Variants in ULK4 observed in about 807,000 individuals in gnomAD.
ULK4 encodes inactive serine/threonine-protein kinase ULK4.
Under a neutral mutation model 160.6 loss-of-function variants are expected in ULK4, and 133 were observed. That is an observed-to-expected ratio of 0.83 (90% CI 0.72 to 0.96). ULK4 has a LOEUF of 0.96. Among genes scored for constraint, ULK4 ranks in the 40% least tolerant of loss-of-function variants. The pLI is 0.00. For missense variants in ULK4, 1,580 were observed against 1,499.5 expected (o/e 1.05, Z -0.89); for synonymous variants, 534 against 539.8 (o/e 0.99, Z 0.15).
intron 17 of ULK4, chr3:41,882,135 C>G: frequency 1.4e-6 from 1 of 697,186 alleles, no homozygotes; most frequent in Non-Finnish European, 2.6e-6. Context: ...CAGGCACTGC[C>G]ACACGGAGTC....
At chr3:41,306,823 G>A (rs2079950302) in intron 35 of ULK4, among the ~76,000 whole-genome samples, 1 of 151,804 alleles carries the variant, frequency 6.6e-6, no homozygotes, top group African/African-American at 2.4e-5. Context: ...TCTGCCGTGG[G>A]ATCCTGTTGA....
chr3:41,442,328 G>A (rs2083191334), intron 34 of ULK4, among the ~76,000 whole-genome samples: 1 of 152,132 alleles, frequency 6.6e-6, no homozygotes, highest in African/African-American at 2.4e-5. Flanking sequence ...TGGTAAATCT[G>A]TAAAGGTACC....
At chr3:41,770,199 C>A (rs1025586502) in intron 21 of ULK4, among the ~76,000 whole-genome samples, 1 of 152,126 alleles carries the variant, frequency 6.6e-6, no homozygotes, top group African/African-American at 2.4e-5. Context: ...GCAGACTTAT[C>A]CAAATTTATC....
In ULK4 at chr3:41,769,236, A is replaced by C. The variant is rs1177767100; in HGVS notation, c.2194-14748T>G. On this transcript the variant is annotated intron_variant, in intron 21 of 36. Coordinates refer to ENST00000301831, the MANE Select transcript of ULK4 (RefSeq NM_017886.4). ...CATTTAGTCATTTCAGAAAAACTGAATGAACAGTAATGACTTTGACTCCCT... is the reference window on the plus strand; with the variant it reads ...CATTTAGTCATTTCAGAAAAACTGACTGAACAGTAATGACTTTGACTCCCT... Among the ~76,000 whole-genome samples the C allele has an allele frequency of 2.0e-5, 3 of 152,318 alleles. No homozygotes were observed. The East Asian group carries it at 5.8e-4, about 29-fold the overall frequency.
At chr3:41,725,204 A>G (rs913054954) in intron 22 of ULK4, among the ~76,000 whole-genome samples, 5 of 152,252 alleles carry the variant, frequency 3.3e-5, no homozygotes, top group Admixed American at 6.5e-5. Context: ...ATATTTTCAT[A>G]TGCTATCTAC....
intron 19 of ULK4, among the ~76,000 whole-genome samples, chr3:41,810,675 A>T (rs895475798): frequency 7.2e-5 from 11 of 152,200 alleles, no homozygotes; most frequent in Non-Finnish European, 1.6e-4. Context: ...AGACAAAAAT[A>T]AAGTTGTGGT....
At chr3:41,380,284 AAG>A (rs1403310915) in intron 35 of ULK4, among the ~76,000 whole-genome samples, 3 of 152,204 alleles carry the variant, frequency 2.0e-5, no homozygotes, top group Non-Finnish European at 4.4e-5. Flanking sequence ...GTTTTACAAA[AAG>A]AGACTCATTT....
intron 2 of ULK4, among the ~76,000 whole-genome samples, chr3:41,951,456 C>T (rs1700294528): frequency 6.7e-6 from 1 of 149,284 alleles, no homozygotes; most frequent in African/African-American, 2.4e-5. Context: ...TACTACAAAG[C>T]TACAATAATA....
intron 30 of ULK4, among the ~76,000 whole-genome samples, chr3:41,632,282 C>T (rs1012412844): frequency 1.3e-5 from 2 of 152,184 alleles, no homozygotes; most frequent in African/African-American, 4.8e-5. Context: ...TTTTCTCCTA[C>T]AGATACGAAC....
intron 22 of ULK4, among the ~76,000 whole-genome samples, chr3:41,721,333 A>AATAT (rs71075483): frequency 0.05 from 1,341 of 26,882 alleles, 72 homozygotes; most frequent in Non-Finnish European, 0.068. Context: ...TTTTAATGTA[A>AATAT]ATATATATAT....
intron 35 of ULK4, among the ~76,000 whole-genome samples, chr3:41,286,171 C>T (rs528380184): frequency 1.4e-4 from 22 of 152,096 alleles, no homozygotes; most frequent in South Asian, 2.1e-4. Context: ...TGATACATAA[C>T]GATTTCCTTT....
intron 5 of ULK4, among the ~76,000 whole-genome samples, chr3:41,930,892 G>A (rs937706833): frequency 6.6e-6 from 1 of 152,194 alleles, no homozygotes; most frequent in East Asian, 1.9e-4. Context: ...CTGTTGGTGG[G>A]AATGTAGATT....
At chr3:41,959,109 A>G (rs1403282711) in intron 1 of ULK4, among the ~76,000 whole-genome samples, 1 of 152,166 alleles carries the variant, frequency 6.6e-6, no homozygotes, top group African/African-American at 2.4e-5. Flanking sequence ...TACGCCTGTA[A>G]TCCCAGCACT....
chr3:41,311,649 A>G (rs1358753920), intron 35 of ULK4, among the ~76,000 whole-genome samples: 3 of 151,712 alleles, frequency 2.0e-5, no homozygotes, highest in Admixed American at 2.0e-4. Context: ...ACTCACTGCA[A>G]TCTCTGCCTC....
At chr3:41,712,890 C>T (rs1470858972) in intron 25 of ULK4, among the ~76,000 whole-genome samples, 2 of 149,748 alleles carry the variant, frequency 1.3e-5, no homozygotes, top group African/African-American at 4.9e-5. Context: ...GACCCTGTCT[C>T]GAAAAAAGAA....
At chr3:41,649,704 C>G (rs2034660330) in intron 30 of ULK4, among the ~76,000 whole-genome samples, 1 of 152,184 alleles carries the variant, frequency 6.6e-6, no homozygotes, top group African/African-American at 2.4e-5. Flanking sequence ...TGGCACAGGC[C>G]TACAGGTGCC....
At chr3:41,650,279 A>G (rs541969312) in intron 30 of ULK4, among the ~76,000 whole-genome samples, 5 of 152,350 alleles carry the variant, frequency 3.3e-5, no homozygotes, top group East Asian at 3.9e-4. Context: ...TGAAAGAGCT[A>G]TAACACAAAC....
At chr3:41,749,343 C>T (rs971196284) in intron 22 of ULK4, among the ~76,000 whole-genome samples, 2 of 152,192 alleles carry the variant, frequency 1.3e-5, no homozygotes, top group East Asian at 3.9e-4. Flanking sequence ...ATTAGTCAGG[C>T]ATGGCGGCAT....
At chr3:41,884,466 G>A (rs1697645491) in intron 16 of ULK4, among the ~76,000 whole-genome samples, 1 of 152,146 alleles carries the variant, frequency 6.6e-6, no homozygotes, top group South Asian at 2.1e-4. Context: ...TTAATGAGGT[G>A]TTCCTTTAGT....
Sources: gnomAD v4.1 joint callset for allele counts (sites outside exome capture counted in the v4.1 genomes callset) on GRCh38, gnomAD v4.1.1 for gene constraint, MANE v1.5 for transcripts, NCBI Gene and HGNC (gene_info 2026-07-23, HGNC 2026-07-21) for gene names.